MDGA2: variants seen among roughly 807,000 people sequenced by gnomAD.
The protein encoded by MDGA2 is MAM domain-containing glycosylphosphatidylinositol anchor protein 2.
Under a neutral mutation model 117.8 loss-of-function variants are expected in MDGA2, and 40 were observed. The observed-to-expected ratio is 0.34, with a 90% CI of 0.26 to 0.44. The LOEUF (loss-of-function observed/expected upper bound fraction) is 0.44, where lower values mean the gene tolerates loss of function less well. Ranked by LOEUF, MDGA2 falls within the 20% of genes least tolerant of loss-of-function variation. MDGA2 has a pLI of 1.00. For synonymous variants in MDGA2, 452 were observed against 439.0 expected (o/e 1.03, Z -0.37); for missense variants, 1,123 against 1,250.6 (o/e 0.90, Z 1.54).
At chr14:47,419,263 C>G (rs1053951367) in intron 1 of MDGA2, among the ~76,000 whole-genome samples, 1 of 151,862 alleles carries the variant, frequency 6.6e-6, no homozygotes, top group African/African-American at 2.4e-5. Context: ...TCAGACTGTC[C>G]TCATTTTATC....
At chr14:47,601,360 T>A (rs1896644297) in intron 1 of MDGA2, among the ~76,000 whole-genome samples, 1 of 152,162 alleles carries the variant, frequency 6.6e-6, no homozygotes, top group Admixed American at 6.6e-5. Context: ...GTGACTTTCT[T>A]CACCAGTCTC....
At position 47,503,498 on chromosome 14, in the gene MDGA2, T is replaced by C. The variant is rs148161141; in HGVS notation, c.280+171019A>G. ...AGTGCAGTGGCGCAATCTCAGCTCC[T>C]GGGTTCACGCCATTCTCCTGCCTCA... is the stretch of plus-strand genomic sequence containing the variant. On this transcript the variant is annotated intron_variant, in intron 1 of 16. Transcript: ENST00000399232. Among the ~76,000 whole-genome samples the C allele has an allele frequency of 4.0e-5, 6 of 149,700 alleles. No individual in the cohort carries two copies. In the East Asian group the frequency reaches 5.9e-4, roughly 15 times the overall value.
At chr14:47,458,614 C>A (rs978861136) in intron 1 of MDGA2, among the ~76,000 whole-genome samples, 3 of 152,010 alleles carry the variant, frequency 2.0e-5, no homozygotes, top group African/African-American at 4.8e-5. Context: ...TAACAACTCT[C>A]TGGTGTATAC....
intron 8 of MDGA2, among the ~76,000 whole-genome samples, chr14:47,017,781 C>T (rs906986599): frequency 2.0e-5 from 3 of 152,048 alleles, no homozygotes; most frequent in African/African-American, 7.2e-5. Flanking sequence ...ATCTATGCTA[C>T]CATCTTGTGT....
chr14:47,490,212 T>G (rs1379283410), intron 1 of MDGA2, among the ~76,000 whole-genome samples: 1 of 152,120 alleles, frequency 6.6e-6, no homozygotes, highest in East Asian at 1.9e-4. Context: ...TATTTTTGCA[T>G]TCTAGTTTTC....
At chr14:47,259,986 T>A (rs1371510659) in intron 2 of MDGA2, among the ~76,000 whole-genome samples, 8 of 152,068 alleles carry the variant, frequency 5.3e-5, no homozygotes, top group African/African-American at 1.9e-4. Context: ...GAATATTCTT[T>A]CATTTTGAAG....
chr14:47,013,133 A>G (rs924124324), intron 8 of MDGA2, among the ~76,000 whole-genome samples: 1 of 152,174 alleles, frequency 6.6e-6, no homozygotes, highest in African/African-American at 2.4e-5. Flanking sequence ...CTTTTCATTC[A>G]GGATTCTCTG....
At chr14:47,659,687 C>T (rs1215683532) in intron 1 of MDGA2, among the ~76,000 whole-genome samples, 1 of 152,132 alleles carries the variant, frequency 6.6e-6, no homozygotes, top group East Asian at 1.9e-4. Flanking sequence ...CAAAATAGAG[C>T]ATGCATCTAA....
rs868330888 is a variant in MDGA2, at chr14:47,646,098, A to G, written c.280+28419T>C. ...CCGTCTCAAAAAAAAAAAAAAAAAA[A>G]GGAAGAAAATTTTTCTCAGTTTGAC... On this transcript the variant is annotated intron_variant, in intron 1 of 16. Coordinates refer to ENST00000399232, the MANE Select transcript of MDGA2 (RefSeq NM_001113498.3). Among the ~76,000 whole-genome samples, 511 of 141,620 alleles carry G rather than the reference A, an allele frequency of 3.6e-3. 3 individuals are homozygous for G. The highest frequency in any genetic ancestry group is 0.012 in the African/African-American group (477 of 38,522). The allele number at this position is 141,620 out of a possible 152,430, so 92.9% of individuals were successfully genotyped here.
chr14:47,100,453 T>A (rs1880240438), intron 5 of MDGA2, among the ~76,000 whole-genome samples: 1 of 152,154 alleles, frequency 6.6e-6, no homozygotes, highest in Admixed American at 6.6e-5. Flanking sequence ...ATCTCATTAC[T>A]ATATAAGGTT....
chr14:47,640,430 A>C (rs943653876), intron 1 of MDGA2, among the ~76,000 whole-genome samples: 2 of 151,952 alleles, frequency 1.3e-5, no homozygotes, highest in African/African-American at 2.4e-5. Flanking sequence ...TTACCCCACT[A>C]GTCTTCCTTA....
chr14:46,938,715 A>G (rs1302793442), intron 9 of MDGA2, among the ~76,000 whole-genome samples: 2 of 152,032 alleles, frequency 1.3e-5, no homozygotes, highest in Non-Finnish European at 2.9e-5. Context: ...GGTTCCTCAA[A>G]AAACTACAAA....
chr14:47,100,035 T>G (rs1040988752), intron 5 of MDGA2, among the ~76,000 whole-genome samples: 3 of 152,040 alleles, frequency 2.0e-5, no homozygotes, highest in Non-Finnish European at 4.4e-5. Context: ...ATACAGTTAT[T>G]CTGATTGCAT....
intron 1 of MDGA2, among the ~76,000 whole-genome samples, chr14:47,439,105 G>C (rs555290970): frequency 5.1e-4 from 77 of 152,122 alleles, no homozygotes; most frequent in African/African-American, 1.7e-3. Context: ...AACTGCAGTA[G>C]TGCTCTGGTT....
intron 5 of MDGA2, among the ~76,000 whole-genome samples, chr14:47,105,682 C>T (rs1441151018): frequency 6.6e-6 from 1 of 150,684 alleles, no homozygotes; most frequent in Admixed American, 6.6e-5. Context: ...GACGTCCAGG[C>T]ATTCTTTTAC....
intron 1 of MDGA2, among the ~76,000 whole-genome samples, chr14:47,549,402 T>C (rs1594911986): frequency 2.0e-5 from 3 of 151,370 alleles, no homozygotes; most frequent in South Asian, 2.1e-4. Context: ...AGGTCCTTTT[T>C]CCACCATTCC....
chr14:47,658,830 C>G (rs564053059), intron 1 of MDGA2, among the ~76,000 whole-genome samples: 1 of 152,170 alleles, frequency 6.6e-6, no homozygotes, highest in African/African-American at 2.4e-5. Flanking sequence ...AGAGAGTAAA[C>G]AGAATTCTTT....
At chr14:47,134,750 A>ATG (rs754188167) in intron 4 of MDGA2, among the ~76,000 whole-genome samples, 8 of 150,508 alleles carry the variant, frequency 5.3e-5, no homozygotes, top group African/African-American at 1.2e-4. Flanking sequence ...TTACATATTT[A>ATG]TGTGTGTATA....
intron 2 of MDGA2, among the ~76,000 whole-genome samples, chr14:47,240,098 G>A (rs766451836): frequency 5.9e-5 from 9 of 151,672 alleles, no homozygotes; most frequent in South Asian, 2.1e-4. Flanking sequence ...AGGCTGGAGT[G>A]CAGTGGCACG....
Sources: allele counts gnomAD v4.1 joint callset (sites outside exome capture counted in the v4.1 genomes callset), GRCh38; gene constraint gnomAD v4.1.1; transcripts MANE v1.5; gene names NCBI Gene and HGNC (gene_info 2026-07-23, HGNC 2026-07-21).